The following ZCCHC7 variants were observed in gnomAD, a reference collection of about 807,000 sequenced individuals.
ZCCHC7 encodes the protein zinc finger CCHC domain-containing protein 7.
In ZCCHC7, 35 loss-of-function variants were observed where a neutral mutation model predicts 52.0. That is an observed-to-expected ratio of 0.67 (90% CI 0.51 to 0.89). ZCCHC7 has a LOEUF of 0.89. ZCCHC7 is among the 40% of genes least tolerant of loss of function. The probability of loss-of-function intolerance (pLI) is 0.00; values close to 1 mark genes in which losing one functional copy is unlikely to be tolerated. For missense variants in ZCCHC7, 574 were observed against 649.1 expected (o/e 0.88, Z 1.26); for synonymous variants, 217 against 221.5 (o/e 0.98, Z 0.18).
chr9:37,333,454 G>A (rs1830526472), intron 6 of ZCCHC7, among the ~76,000 whole-genome samples: 4 of 151,690 alleles, frequency 2.6e-5, no homozygotes, highest in Admixed American at 2.0e-4. Flanking sequence ...TGCCCCTAGT[G>A]GCTAGGGGCA....
intron 1 of ZCCHC7, among the ~76,000 whole-genome samples, chr9:37,125,748 A>G (rs1402445232): frequency 1.3e-5 from 2 of 152,116 alleles, no homozygotes; most frequent in African/African-American, 4.8e-5. Context: ...TTTTTCGTTT[A>G]CAATATACCT....
At chr9:37,303,484 G>A (rs971881686) in intron 3 of ZCCHC7, among the ~76,000 whole-genome samples, 2 of 150,750 alleles carry the variant, frequency 1.3e-5, no homozygotes, top group Non-Finnish European at 3.0e-5. Context: ...GAATGCTACC[G>A]CGGTGTCTAA....
intron 2 of ZCCHC7, among the ~76,000 whole-genome samples, chr9:37,222,995 G>A (rs936982471): frequency 2.6e-5 from 4 of 152,094 alleles, no homozygotes; most frequent in South Asian, 2.1e-4. Flanking sequence ...ATGAGCATTC[G>A]TATACATATA....
intron 5 of ZCCHC7, among the ~76,000 whole-genome samples, chr9:37,316,206 C>T (rs781358986): frequency 6.7e-4 from 102 of 152,090 alleles, no homozygotes; most frequent in Non-Finnish European, 1.2e-3. Context: ...ACTACAGGCA[C>T]GCACTACAAT....
rs770913689 is a variant in ZCCHC7, at chr9:37,126,883, A to G, written c.551A>G (p.Asp184Gly). The change falls in exon 2 of 9, where the codon GAT (aspartate) becomes GGT (glycine). Residue 184 changes from aspartate (D) to glycine (G), a missense_variant. This residue lies in a region of ZCCHC7 where 403 missense variants were observed against 461.2 expected (regional missense o/e 0.87). Transcript: ENST00000336755. ...TGGATGCTACTGGGATGTGAAGTAGATGATAAAGATGATGATATCCTTCTC... is the reference window on the plus strand; with the variant it reads ...TGGATGCTACTGGGATGTGAAGTAGGTGATAAAGATGATGATATCCTTCTC... ...ESWMLLGCEV[D>G]DKDDDILLNL... The G allele has an allele frequency of 2.5e-6, 4 of 1,614,174 alleles. No individual in the cohort carries two copies. Among genetic ancestry groups the G allele is most frequent in the Non-Finnish European group, 3.4e-6 (4 of 1,180,030 alleles).
At chr9:37,156,634 A>T (rs1008181274) in intron 2 of ZCCHC7, among the ~76,000 whole-genome samples, 1 of 152,232 alleles carries the variant, frequency 6.6e-6, no homozygotes, top group Non-Finnish European at 1.5e-5. Context: ...TTATAAAATA[A>T]ATCATCGTTA....
intron 2 of ZCCHC7, among the ~76,000 whole-genome samples, chr9:37,224,648 G>T (rs983900049): frequency 2.6e-5 from 4 of 152,158 alleles, no homozygotes; most frequent in African/African-American, 9.7e-5. Flanking sequence ...GAGATCTTGG[G>T]CAGGTGGCAT....
intron 2 of ZCCHC7, among the ~76,000 whole-genome samples, chr9:37,218,699 C>T (rs889832940): frequency 1.3e-5 from 2 of 152,200 alleles, no homozygotes; most frequent in Non-Finnish European, 2.9e-5. Context: ...GTCCCAGCTA[C>T]TCAGGAGGCT....
chr9:37,236,382 CTT>C (rs565230377), intron 2 of ZCCHC7, among the ~76,000 whole-genome samples: 9 of 144,824 alleles, frequency 6.2e-5, no homozygotes, highest in Non-Finnish European at 6.1e-5. Flanking sequence ...ATTTCTCTAC[CTT>C]TTTTTTTTTT....
intron 5 of ZCCHC7, among the ~76,000 whole-genome samples, chr9:37,314,192 C>T (rs1001605321): frequency 2.6e-5 from 4 of 152,150 alleles, no homozygotes; most frequent in African/African-American, 9.7e-5. Flanking sequence ...AGACCCTTAC[C>T]TTTCATCAAA....
intron 2 of ZCCHC7, among the ~76,000 whole-genome samples, chr9:37,248,185 T>C (rs718824): frequency 0.011 from 1,693 of 152,322 alleles, 16 homozygotes; most frequent in Non-Finnish European, 0.017. Context: ...TTGACATATT[T>C]TCTCATACAA....
chr9:37,305,497 T>G (rs1189237293), intron 4 of ZCCHC7, 47 bp from the exon 5 acceptor site: 2 of 1,604,166 alleles, frequency 1.2e-6, no homozygotes, highest in Non-Finnish European at 1.7e-6. Context: ...ATACTAATCT[T>G]CTACCTTTTG....
At chr9:37,318,765 TAGCCAGGCGTGGC>T (rs935469190) in intron 5 of ZCCHC7, among the ~76,000 whole-genome samples, 1 of 151,600 alleles carries the variant, frequency 6.6e-6, no homozygotes, top group African/African-American at 2.4e-5. Flanking sequence ...ATACAAAAAT[TAGCCAGGCGTGGC>T]AGCGCACACC....
chr9:37,349,937 G>A (rs1821264920), intron 7 of ZCCHC7, among the ~76,000 whole-genome samples: 1 of 151,742 alleles, frequency 6.6e-6, no homozygotes, highest in African/African-American at 2.4e-5. Context: ...ACAGGCGCCT[G>A]CCACCACACC....
At chr9:37,270,611 G>A (rs1445158167) in intron 2 of ZCCHC7, among the ~76,000 whole-genome samples, 3 of 151,760 alleles carry the variant, frequency 2.0e-5, no homozygotes, top group African/African-American at 7.3e-5. Context: ...GAACCTGGGA[G>A]GTGGAGGTTG....
intron 2 of ZCCHC7, among the ~76,000 whole-genome samples, chr9:37,182,109 A>G (rs528166404): frequency 1.3e-5 from 2 of 152,306 alleles, no homozygotes; most frequent in East Asian, 3.9e-4. Flanking sequence ...ATTCTTTGAC[A>G]TTTATGCTGT....
intron 6 of ZCCHC7, among the ~76,000 whole-genome samples, chr9:37,329,525 A>G (rs889897523): frequency 6.6e-6 from 1 of 151,912 alleles, no homozygotes; most frequent in African/African-American, 2.4e-5. Flanking sequence ...TGAAGTTGCC[A>G]TCACAGTTTA....
intron 2 of ZCCHC7, among the ~76,000 whole-genome samples, chr9:37,156,591 G>A (rs1820826789): frequency 6.6e-6 from 1 of 152,148 alleles, no homozygotes; most frequent in Non-Finnish European, 1.5e-5. Context: ...TTGTATAAAT[G>A]TTTTTGACTT....
intron 7 of ZCCHC7, among the ~76,000 whole-genome samples, chr9:37,353,306 C>T (rs1356269667): frequency 6.6e-6 from 1 of 152,216 alleles, no homozygotes; most frequent in Non-Finnish European, 1.5e-5. Flanking sequence ...CCTGTCATCT[C>T]AACACTTTGG....
Sources: allele counts gnomAD v4.1 joint callset (sites outside exome capture counted in the v4.1 genomes callset), GRCh38; gene constraint gnomAD v4.1.1; regional missense constraint gnomAD v4.1.1; transcripts MANE v1.5; gene names NCBI Gene and HGNC (gene_info 2026-07-23, HGNC 2026-07-21).